Variants in TIMM13 observed in about 807,000 individuals in gnomAD.
TIMM13 encodes mitochondrial import inner membrane translocase subunit Tim13.
In TIMM13, 8 loss-of-function variants were observed where a neutral mutation model predicts 10.9. The observed-to-expected ratio is 0.73, with a 90% CI of 0.43 to 1.32. The LOEUF is 1.32. Among genes scored for constraint, TIMM13 ranks in the 40% most tolerant of loss-of-function variants. TIMM13 has a pLI of 0.01. For missense variants in TIMM13, 147 were observed against 132.8 expected (o/e 1.11, Z -0.53); for synonymous variants, 68 against 52.5 (o/e 1.30, Z -1.28).
chr19:2,427,258 G>T lies in TIMM13; in HGVS notation c.187C>A (p.Gln63Lys). 2 of 1,613,218 alleles carry T rather than the reference G, an allele frequency of 1.2e-6. No homozygotes were observed. The highest frequency in any genetic ancestry group is 1.7e-6 in the Non-Finnish European group (2 of 1,179,824). ...KPGGSLDNSE[Q>K]KCIAMCMDRY... ...CCCCGAACCTCCGCGGGTCTCACCT[G>T]CTCGGAGTTGTCCAGGGAGCCCCCA... Residue 63 changes from glutamine to lysine, a missense_variant and splice_region_variant, in exon 2 of 3, where the codon CAG becomes AAG. By Grantham distance (53) the Gln-to-Lys change is moderately conservative. Coordinates refer to ENST00000215570, the MANE Select transcript of TIMM13 (RefSeq NM_012458.4).
At position 2,427,420 on chromosome 19, in the gene TIMM13, C is replaced by CA. The variant is rs1971665952; in HGVS notation, c.113dup (p.Leu39AlafsTer145). 1 of 1,612,600 alleles carries CA rather than the reference C, an allele frequency of 6.2e-7. No homozygotes were observed. The highest frequency in any genetic ancestry group is 1.3e-5 in the African/African-American group (1 of 74,922). On this transcript the variant is annotated frameshift_variant, in exon 1 of 3. Coordinates refer to ENST00000215570, the MANE Select transcript of TIMM13 (RefSeq NM_012458.4). LOFTEE classifies it high-confidence loss of function. ...TCCCCGGCCAGCCCCGCACCTGCAG[C>CA]AGCTCCTGCGCGTTGGCCACGGCGA...
In TIMM13 at chr19:2,427,277, G is replaced by GC. The variant is rs772715828; in HGVS notation, c.167dup (p.Ser57LeufsTer127). The GC allele has an allele frequency of 4.3e-6, 7 of 1,613,274 alleles. No individual in the cohort carries two copies. The highest frequency in any genetic ancestry group is 5.1e-6 in the Non-Finnish European group (6 of 1,179,834). ...TCACCTGCTCGGAGTTGTCCAGGGA[G>GC]CCCCCAGGTTTCCCTATACACTTCC... On this transcript the variant is annotated frameshift_variant, in exon 2 of 3. Coordinates refer to ENST00000215570, the MANE Select transcript of TIMM13 (RefSeq NM_012458.4). LOFTEE classifies it high-confidence loss of function.
rs534981782 is a variant in TIMM13, at chr19:2,426,494, G to A, written c.*454C>T. ...AACCCAGGGGAGGCTGAGACCCTCC[G>A]AGCTGGGGTTCCAGGGACACGCGTC... On this transcript the variant is annotated 3_prime_UTR_variant, in exon 3 of 3. Transcript: ENST00000215570. 9 of 279,182 alleles carry A rather than the reference G, an allele frequency of 3.2e-5. No homozygotes were observed. The highest frequency in any genetic ancestry group is 1.6e-4 in the African/African-American group (7 of 44,394). The allele number at this position is 279,182 out of a possible 1,614,324, so 17.3% of individuals were successfully genotyped here.
Position 2,426,833 on chromosome 19 carries a change from T to C in TIMM13, c.*115A>G. 1.9e-6 allele frequency: 2 copies of C among 1,043,768 alleles called. No homozygotes were observed. Among genetic ancestry groups the C allele is most frequent in the Non-Finnish European group, 2.8e-6 (2 of 706,388 alleles). The allele number at this position is 1,043,768 out of a possible 1,614,324, so 64.7% of individuals were successfully genotyped here. ...GGTGGCGAGGACACAGTCCCGTGTGTCCCAGCACCGGTGCCACCCTCCTAA... is the reference window on the plus strand; with the variant it reads ...GGTGGCGAGGACACAGTCCCGTGTGCCCCAGCACCGGTGCCACCCTCCTAA... On this transcript the variant is annotated 3_prime_UTR_variant, in exon 3 of 3. Transcript: ENST00000215570.
Position 2,426,966 on chromosome 19 carries a change from C to T in TIMM13, c.270G>A (p.Arg90=), listed in dbSNP as rs1236078516. 1 of 1,599,100 alleles carries T rather than the reference C, an allele frequency of 6.3e-7. No individual in the cohort carries two copies. The highest frequency in any genetic ancestry group is 2.3e-5 in the East Asian group (1 of 43,972). Residue 90 remains arginine, a synonymous_variant, in exon 3 of 3, where the codon CGG becomes CGA. Transcript: ENST00000215570. ...VSRAYNSRLQ[R]ERANM ...TCGCCGGTCACATGTTGGCTCGTTC[C>T]CGCTGCAGCCGCGAGTTGTAGGCGC...
chr19:2,426,453 A>G lies in TIMM13; in HGVS notation c.*495T>C. 3.5e-6 allele frequency: 1 copy of G among 289,730 alleles called. No homozygotes were observed. The highest frequency in any genetic ancestry group is 6.5e-6 in the Non-Finnish European group (1 of 153,226). 17.9% of individuals were successfully genotyped at this position (289,730 alleles called of 1,614,324 possible). A position where few individuals can be genotyped will look rare whatever the true frequency, so the allele number is the denominator to read the frequency against. On this transcript the variant is annotated 3_prime_UTR_variant, in exon 3 of 3. Transcript: ENST00000215570. ...CAGCAGCCCGGTGGCACTAAGGGGA[A>G]AGATGGACTTCTCCCAACCCAGGGG...
In TIMM13 at chr19:2,426,949, C is replaced by G; in HGVS notation, c.287G>C (p.Ter96SerextTer17). Residue 96 changes from the stop codon to serine (S), a stop_lost, in exon 3 of 3, where the codon TGA becomes TCA. Transcript: ENST00000215570. ...SRLQRERANM[*>S] ...GGTGGGGTGGCCCGCGCTCGCCGGT[C>G]ACATGTTGGCTCGTTCCCGCTGCAG... The G allele has an allele frequency of 1.9e-6, 3 of 1,590,762 alleles. No individual in the cohort carries two copies. Among genetic ancestry groups the G allele is most frequent in the Non-Finnish European group, 2.6e-6 (3 of 1,169,362 alleles).
chr19:2,427,566 T>C lies in TIMM13; in HGVS notation c.-33A>G. 6.4e-7 allele frequency: 1 copy of C among 1,567,524 alleles called. No homozygotes were observed. The highest frequency in any genetic ancestry group is 2.4e-5 in the East Asian group (1 of 42,348). ...CAAAGTCAACCGGACCGAGGCCGCG[T>C]GCGCCGACTCGTAACTAACTGCGCC... On this transcript the variant is annotated 5_prime_UTR_variant, in exon 1 of 3. Coordinates refer to ENST00000215570, the MANE Select transcript of TIMM13 (RefSeq NM_012458.4).
In TIMM13 at chr19:2,425,653, C is replaced by T. The variant is rs1971604562; in HGVS notation, c.*1295G>A. 4 of 1,343,680 alleles carry T rather than the reference C, an allele frequency of 3.0e-6. No homozygotes were observed. The highest frequency in any genetic ancestry group is 3.1e-5 in the African/African-American group (2 of 65,544). The allele number at this position is 1,343,680 out of a possible 1,614,324, so 83.2% of individuals were successfully genotyped here. ...TTTTGGCTCTGGAGGAATTTCCACTCCACAGCCGTTTATTGGGCAACCCAC... is the reference window on the plus strand; with the variant it reads ...TTTTGGCTCTGGAGGAATTTCCACTTCACAGCCGTTTATTGGGCAACCCAC... On this transcript the variant is annotated 3_prime_UTR_variant, in exon 3 of 3. Transcript: ENST00000215570.
rs752085781 is a variant in TIMM13, at chr19:2,426,117, C to G, written c.*831G>C. On this transcript the variant is annotated 3_prime_UTR_variant, in exon 3 of 3. Transcript: ENST00000215570. ...CCACGTGACTGCCCAGGCCGAGACTCTACGTGAAAGCAACAGGAGCAGCAG... is the reference window on the plus strand; with the variant it reads ...CCACGTGACTGCCCAGGCCGAGACTGTACGTGAAAGCAACAGGAGCAGCAG... 12 of 1,587,792 alleles carry G rather than the reference C, an allele frequency of 7.6e-6. No homozygotes were observed. The South Asian group carries it at 1.4e-4, about 18-fold the overall frequency.
chr19:2,427,096 G>C (rs932626961), intron 2 of TIMM13, 50 bp from the exon 3 acceptor site: 2 of 1,593,544 alleles, frequency 1.3e-6, no homozygotes, highest in African/African-American at 1.3e-5. Flanking sequence ...CGCGGCCCCG[G>C]GGACCGCCCT....
Position 2,425,805 on chromosome 19 carries a change from A to G in TIMM13, c.*1143T>C. The stretch of plus-strand genomic sequence containing the variant: ...CACCTTTGCATTGAGCCCATTTTCC[A>G]GATAGTGAAAATGCGGCTCCCAGGG... On this transcript the variant is annotated 3_prime_UTR_variant, in exon 3 of 3. Transcript: ENST00000215570. The G allele has an allele frequency of 7.3e-7, 1 of 1,372,180 alleles. No individual in the cohort carries two copies. Among genetic ancestry groups the G allele is most frequent in the Non-Finnish European group, 9.7e-7 (1 of 1,034,104 alleles). 85.0% of individuals were successfully genotyped at this position (1,372,180 alleles called of 1,614,324 possible).
chr19:2,427,190 C>G, intron 2 of TIMM13, 66 bp downstream of exon 2: 1 of 1,588,206 alleles, frequency 6.3e-7, no homozygotes, highest in South Asian at 1.1e-5. Flanking sequence ...TCTGCGCACG[C>G]GCAGACACCT....
chr19:2,425,838 C>G lies in TIMM13; in HGVS notation c.*1110G>C. ...AAAATGCGGCTCCCAGGGGAAGTCA[C>G]TAGGGTCACTCCTAGAGGGGCCAAT... is the stretch of plus-strand genomic sequence containing the variant. On this transcript the variant is annotated 3_prime_UTR_variant, in exon 3 of 3. Coordinates refer to ENST00000215570, the MANE Select transcript of TIMM13 (RefSeq NM_012458.4). 1.4e-6 allele frequency: 2 copies of G among 1,468,062 alleles called. No individual in the cohort carries two copies. Among genetic ancestry groups the G allele is most frequent in the Middle Eastern group, 2.6e-4 (1 of 3,906 alleles). 90.9% of individuals were successfully genotyped at this position (1,468,062 alleles called of 1,614,324 possible). A position where few individuals can be genotyped will look rare whatever the true frequency, so the allele number is the denominator to read the frequency against.
At position 2,425,634 on chromosome 19, in the gene TIMM13, C is replaced by T. The variant is rs1971603994; in HGVS notation, c.*1314G>A. On this transcript the variant is annotated 3_prime_UTR_variant, in exon 3 of 3. Transcript: ENST00000215570. ...CGGATCAAGCAGGGAGCCTTTTTGG[C>T]TCTGGAGGAATTTCCACTCCACAGC... is the stretch of plus-strand genomic sequence containing the variant. 1.5e-6 allele frequency: 2 copies of T among 1,369,546 alleles called. No homozygotes were observed. Among genetic ancestry groups the T allele is most frequent in the Non-Finnish European group, 1.9e-6 (2 of 1,060,692 alleles). The allele number at this position is 1,369,546 out of a possible 1,614,324, so 84.8% of individuals were successfully genotyped here. A position where few individuals can be genotyped will look rare whatever the true frequency, so the allele number is the denominator to read the frequency against.
chr19:2,425,904 C>T lies in TIMM13; in HGVS notation c.*1044G>A. 4.5e-6 allele frequency: 7 copies of T among 1,567,028 alleles called. No individual in the cohort carries two copies. The highest frequency in any genetic ancestry group is 6.0e-6 in the Non-Finnish European group (7 of 1,162,902). On this transcript the variant is annotated 3_prime_UTR_variant, in exon 3 of 3. Coordinates refer to ENST00000215570, the MANE Select transcript of TIMM13 (RefSeq NM_012458.4). ...GTAGGGGAGGTACCGGCCTCTGAAC[C>T]CCCTTTCTTCTCTCCCCAACAGGGT...
Position 2,426,949 on chromosome 19 carries a change from C to T in TIMM13, c.287G>A (p.Ter96=). 1 of 1,590,762 alleles carries T rather than the reference C, an allele frequency of 6.3e-7. No individual in the cohort carries two copies. The highest frequency in any genetic ancestry group is 1.8e-5 in the Admixed American group (1 of 56,506). The change falls in exon 3 of 3, where the codon TGA becomes TAA. Residue 96 remains the stop codon, a stop_retained_variant. Transcript: ENST00000215570. ...GGTGGGGTGGCCCGCGCTCGCCGGT[C>T]ACATGTTGGCTCGTTCCCGCTGCAG... The part of the protein sequence containing the change: ...SRLQRERANM[*]
Position 2,425,932 on chromosome 19 carries a change from C to T in TIMM13, c.*1016G>A, listed in dbSNP as rs766288552. The T allele has an allele frequency of 8.5e-5, 136 of 1,594,578 alleles. 2 individuals are homozygous for T. The South Asian group carries it at 1.5e-3, about 17-fold the overall frequency. On this transcript the variant is annotated 3_prime_UTR_variant, in exon 3 of 3. Transcript: ENST00000215570. ...CTTTCTTCTCTCCCCAACAGGGTGA[C>T]GCTGGGGGACCCCTGGCCTGCAGGG...
Position 2,426,338 on chromosome 19 carries a change from A to T in TIMM13, c.*610T>A. The T allele has an allele frequency of 2.7e-6, 1 of 369,590 alleles. No individual in the cohort carries two copies. The highest frequency in any genetic ancestry group is 4.7e-6 in the Non-Finnish European group (1 of 214,612). The allele number at this position is 369,590 out of a possible 1,614,324, so 22.9% of individuals were successfully genotyped here. ...TCCACCAGGACCCGGGGTGGAACGA[A>T]GCAGGGTCAAAGCAAGCCCTGACAA... On this transcript the variant is annotated 3_prime_UTR_variant, in exon 3 of 3. Coordinates refer to ENST00000215570, the MANE Select transcript of TIMM13 (RefSeq NM_012458.4).
Sources: allele counts gnomAD v4.1 joint callset, GRCh38; gene constraint gnomAD v4.1.1; transcripts MANE v1.5; gene names NCBI Gene and HGNC (gene_info 2026-07-23, HGNC 2026-07-21).